The following PFAS variants were observed in gnomAD, a reference collection of about 807,000 sequenced individuals.
PFAS encodes FGAM synthase.
In PFAS, 97 loss-of-function variants were observed where a neutral mutation model predicts 140.6. The observed-to-expected ratio is 0.69, with a 90% CI of 0.59 to 0.82. The LOEUF is 0.82. Among genes scored for constraint, PFAS ranks in the 40% least tolerant of loss-of-function variants. The probability of loss-of-function intolerance (pLI) is 0.00; values close to 1 mark genes in which losing one functional copy is unlikely to be tolerated. For missense variants in PFAS, 1,656 were observed against 1,780.2 expected (o/e 0.93, Z 1.26); for synonymous variants, 679 against 718.8 (o/e 0.94, Z 0.88).
chr17:8,259,971 C>T (rs556662418), intron 11 of PFAS, among the ~76,000 whole-genome samples: 8 of 151,772 alleles, frequency 5.3e-5, no homozygotes, highest in Non-Finnish European at 8.8e-5. Context: ...TGTGGTGGCG[C>T]GCACCTATAA....
chr17:8,257,950 G>A lies in PFAS; in HGVS notation c.1207+12G>A. 1 of 1,613,886 alleles carries A rather than the reference G, an allele frequency of 6.2e-7. No homozygotes were observed. Among genetic ancestry groups the A allele is most frequent in the Non-Finnish European group, 8.5e-7 (1 of 1,179,738 alleles). ...ACCAGTGCTGGCTGGTGAGGCTGGG[G>A]TGTGGAGGGATGACAAACACCCAGA... On this transcript the variant is annotated intron_variant, in intron 10 of 27. Transcript: ENST00000314666.
chr17:8,263,363 C>A, intron 13 of PFAS, 98 bp downstream of exon 13: 6 of 1,301,280 alleles, frequency 4.6e-6, no homozygotes, highest in Non-Finnish European at 6.6e-6. Context: ...AACCACCCAG[C>A]TCTGGGTCCC....
intron 18 of PFAS, 34 bp downstream of exon 18, chr17:8,265,159 C>T (rs958921038): frequency 1.9e-6 from 3 of 1,578,554 alleles, no homozygotes; most frequent in Admixed American, 1.7e-5. Context: ...CCTGGAGCCC[C>T]CGGGCTTCAG....
rs201165542 is a variant in PFAS at position 8,267,158 on chromosome 17, G to A, written c.3098G>A (p.Arg1033Gln). ...AEPRCVAEEE[R>Q]GLRERMGPSY... Reference sequence around the variant, plus strand: ...CCTCGCTGTGTGGCAGAGGAGGAACGGGGCCTGAGGGAGCGGATGGGGCCC... The same window carrying A: ...CCTCGCTGTGTGGCAGAGGAGGAACAGGGCCTGAGGGAGCGGATGGGGCCC... Residue 1033 changes from arginine (R) to glutamine (Q), a missense_variant, in exon 24 of 28, where the codon CGG (arginine) becomes CAG (glutamine). By Grantham distance (43) the Arg-to-Gln change is conservative. Coordinates refer to ENST00000314666, the MANE Select transcript of PFAS (RefSeq NM_012393.3). The surrounding 1 kb of genome is among the most constrained non-coding windows in gnomAD (Gnocchi z 4.9). The A allele has an allele frequency of 9.3e-6, 15 of 1,610,328 alleles. No individual in the cohort carries two copies. Among genetic ancestry groups the A allele is most frequent in the African/African-American group, 6.7e-5 (5 of 74,984 alleles).
rs1989824349 is a variant in PFAS, at chr17:8,266,613, C to T, written c.2822-140C>T. 3 of 1,492,282 alleles carry T rather than the reference C, an allele frequency of 2.0e-6. No individual in the cohort carries two copies. Among genetic ancestry groups the T allele is most frequent in the Non-Finnish European group, 2.7e-6 (3 of 1,128,528 alleles). 92.4% of individuals were successfully genotyped at this position (1,492,282 alleles called of 1,614,324 possible). A position where few individuals can be genotyped will look rare whatever the true frequency, so the allele number is the denominator to read the frequency against. ...CATCCTCAGTCCTGCCGTCCTAGCCCTCATCCTCCCTGATCCCTACCCTAC... is the reference window on the plus strand; with the variant it reads ...CATCCTCAGTCCTGCCGTCCTAGCCTTCATCCTCCCTGATCCCTACCCTAC... On this transcript the variant is annotated intron_variant, in intron 22 of 27. Transcript: ENST00000314666. This position sits in a 1 kb window ranked among gnomAD's most constrained non-coding sequence, Gnocchi z 5.0.
chr17:8,255,677 C>T lies in PFAS; in HGVS notation c.560C>T (p.Ala187Val). 2 of 1,583,094 alleles carry T rather than the reference C, an allele frequency of 1.3e-6. No individual in the cohort carries two copies. The highest frequency in any genetic ancestry group is 1.7e-6 in the Non-Finnish European group (2 of 1,166,594). ...LGEGRLALEK[A>V]NQELGLALDS... ...GAGGGCCGGCTTGCGCTGGAGAAGG[C>T]CAACCAGGAGCTTGGTGAGTAGCTG... Residue 187 changes from alanine to valine, a missense_variant, in exon 5 of 28, where the codon GCC becomes GTC. Ala to Val is a moderately conservative substitution (Grantham distance 64). Coordinates refer to ENST00000314666, the MANE Select transcript of PFAS (RefSeq NM_012393.3).
rs149854273 is a variant in PFAS, at chr17:8,265,060, G to T, written c.2215G>T (p.Ala739Ser). The T allele has an allele frequency of 6.8e-6, 11 of 1,613,546 alleles. No homozygotes were observed. Among genetic ancestry groups the T allele is most frequent in the Non-Finnish European group, 8.5e-6 (10 of 1,180,002 alleles). Residue 739 changes from alanine to serine, a missense_variant, in exon 18 of 28, where the codon GCC becomes TCC. Transcript: ENST00000314666. ...PVKSLLDPKV[A>S]ARLAVAEALT... Reference sequence around the variant, plus strand: ...CAAGAGCCTGCTGGACCCAAAAGTCGCCGCCCGGCTGGCCGTGGCCGAAGC... The same window carrying T: ...CAAGAGCCTGCTGGACCCAAAAGTCTCCGCCCGGCTGGCCGTGGCCGAAGC...
intron 1 of PFAS, among the ~76,000 whole-genome samples, chr17:8,251,774 T>C (rs1014722951): frequency 6.7e-6 from 1 of 149,168 alleles, no homozygotes; most frequent in Non-Finnish European, 1.5e-5. Context: ...CAGGTTCCAG[T>C]GATTCTCCTG....
In PFAS at chr17:8,256,258, C is replaced by T; in HGVS notation, c.681-9C>T. The T allele has an allele frequency of 6.2e-7, 1 of 1,613,454 alleles. No homozygotes were observed. Among genetic ancestry groups the T allele is most frequent in the Non-Finnish European group, 8.5e-7 (1 of 1,179,800 alleles). ...ACCTGCCTTCCCCTCCCTGCATCGC[C>T]CCCTGCAGCGAGCACAGCCGACACT... On this transcript the variant is annotated splice_polypyrimidine_tract_variant and intron_variant, in intron 6 of 27. Transcript: ENST00000314666.
Position 8,264,615 on chromosome 17 carries a change from C to A in PFAS, c.2049+14C>A. 6.3e-7 allele frequency: 1 copy of A among 1,590,140 alleles called. No individual in the cohort carries two copies. The highest frequency in any genetic ancestry group is 1.1e-5 in the South Asian group (1 of 88,740). ...CTCACCAATAAGGTCCTCCCTGCACCCTTCCTCTGCCCCCTGCCTCCTTCC... is the reference window on the plus strand; with the variant it reads ...CTCACCAATAAGGTCCTCCCTGCACACTTCCTCTGCCCCCTGCCTCCTTCC... On this transcript the variant is annotated intron_variant, in intron 17 of 27. Transcript: ENST00000314666.
Position 8,268,849 on chromosome 17 carries a change from C to T in PFAS, c.3699C>T (p.His1233=), listed in dbSNP as rs141618244. ...CCGTGCTGCCCGTGTGGAGTGCGCA[C>T]GGGGAAGGTCAGGCCCAAGGAAGGC... The part of the protein sequence containing the change: ...EGAVLPVWSA[H]GEGYVAFSSP... The change falls in exon 27 of 28, where the codon CAC becomes CAT. Residue 1233 remains histidine, a synonymous_variant. Coordinates refer to ENST00000314666, the MANE Select transcript of PFAS (RefSeq NM_012393.3). 4.2e-4 allele frequency: 673 copies of T among 1,609,020 alleles called. No homozygotes were observed. The highest frequency in any genetic ancestry group is 5.4e-4 in the Non-Finnish European group (641 of 1,179,892).
At position 8,264,572 on chromosome 17, in the gene PFAS, G is replaced by A. The variant is rs771208966; in HGVS notation, c.2020G>A (p.Val674Met). The stretch of plus-strand genomic sequence containing the variant: ...GGAGAGGGTTCTGAGGCTGCCCGCC[G>A]TGGCCAGCAAGCGCTACCTCACCAA... ...ALERVLRLPA[V>M]ASKRYLTNKV... Residue 674 changes from valine to methionine, a missense_variant, in exon 17 of 28, where the codon GTG becomes ATG. Coordinates refer to ENST00000314666, the MANE Select transcript of PFAS (RefSeq NM_012393.3). 38 of 1,613,202 alleles carry A rather than the reference G, an allele frequency of 2.4e-5. No homozygotes were observed. In the East Asian group the frequency reaches 2.5e-4, roughly 10 times the overall value.
At position 8,269,303 on chromosome 17, in the gene PFAS, C is replaced by G. The variant is rs1183744803; in HGVS notation, c.*39C>G. The G allele has an allele frequency of 6.8e-7, 1 of 1,472,524 alleles. No individual in the cohort carries two copies. The highest frequency in any genetic ancestry group is 1.2e-5 in the South Asian group (1 of 80,466). 91.2% of individuals were successfully genotyped at this position (1,472,524 alleles called of 1,614,324 possible). ...CTCACCTGGGCCCCATGGCTTTTCA[C>G]CTAAGTGGGTCCTGCCCCCTCCCCC... On this transcript the variant is annotated 3_prime_UTR_variant, in exon 28 of 28. Transcript: ENST00000314666.
At chr17:8,253,830 C>A in intron 1 of PFAS, 29 bp from the exon 2 acceptor site, 9 of 1,452,856 alleles carry the variant, frequency 6.2e-6, no homozygotes, top group Non-Finnish European at 7.3e-6. Context: ...TGAGCCACCA[C>A]GCCCGGCTTA....
Position 8,266,422 on chromosome 17 carries a change from T to C in PFAS, c.2821+69T>C, listed in dbSNP as rs1989817444. The C allele has an allele frequency of 1.9e-6, 3 of 1,595,846 alleles. No homozygotes were observed. Among genetic ancestry groups the C allele is most frequent in the South Asian group, 1.1e-5 (1 of 88,618 alleles). ...TACCCTGCAGACCCCATTTCCAATA[T>C]ATTAAAGAGTGGAGTGCCCTCCAGT... is the stretch of plus-strand genomic sequence containing the variant. On this transcript the variant is annotated intron_variant, in intron 22 of 27. Transcript: ENST00000314666. The surrounding 1 kb of genome is among the most constrained non-coding windows in gnomAD (Gnocchi z 5.0).
chr17:8,269,426 G>C lies in PFAS; in HGVS notation c.*162G>C. On this transcript the variant is annotated 3_prime_UTR_variant, in exon 28 of 28. Coordinates refer to ENST00000314666, the MANE Select transcript of PFAS (RefSeq NM_012393.3). The stretch of plus-strand genomic sequence containing the variant: ...CAGCGGACTCGATAATCTGCCTGCT[G>C]ATGTTCCTTCTGTGGCTGTGTCTAT... 1.7e-6 allele frequency: 1 copy of C among 593,960 alleles called. No homozygotes were observed. The allele number at this position is 593,960 out of a possible 1,614,324, so 36.8% of individuals were successfully genotyped here. A position where few individuals can be genotyped will look rare whatever the true frequency, so the allele number is the denominator to read the frequency against.
chr17:8,260,182 A>G (rs1989535737), intron 11 of PFAS, among the ~76,000 whole-genome samples: 1 of 145,872 alleles, frequency 6.9e-6, no homozygotes. Flanking sequence ...AGTATTATGT[A>G]GTATACATAC....
At chr17:8,258,810 C>T (rs553828095) in intron 11 of PFAS, among the ~76,000 whole-genome samples, 28 of 152,088 alleles carry the variant, frequency 1.8e-4, no homozygotes, top group South Asian at 1.0e-3. Context: ...CACGGTGAAA[C>T]CCCGTCTCTA....
At position 8,269,236 on chromosome 17, in the gene PFAS, G is replaced by A. The variant is rs778763026; in HGVS notation, c.3989G>A (p.Arg1330Gln). The A allele has an allele frequency of 5.6e-6, 9 of 1,609,804 alleles. No homozygotes were observed. Among genetic ancestry groups the A allele is most frequent in the South Asian group, 2.2e-5 (2 of 90,794 alleles). ...SPWLQLFINA[R>Q]NWTLEGSC Reference sequence around the variant, plus strand: ...TGGCTCCAGCTCTTTATCAATGCCCGAAACTGGACCCTGGAAGGGAGCTGC... The same window carrying A: ...TGGCTCCAGCTCTTTATCAATGCCCAAAACTGGACCCTGGAAGGGAGCTGC... Residue 1330 changes from arginine (R) to glutamine (Q), a missense_variant, in exon 28 of 28, where the codon CGA becomes CAA. By Grantham distance (43) the Arg-to-Gln change is conservative. Transcript: ENST00000314666.
Sources: gnomAD v4.1 joint callset for allele counts (sites outside exome capture counted in the v4.1 genomes callset) on GRCh38, gnomAD v4.1.1 for gene constraint, Gnocchi (gnomAD v3.1) non-coding constraint, MANE v1.5 for transcripts, NCBI Gene and HGNC (gene_info 2026-07-23, HGNC 2026-07-21) for gene names.